Variants in RICTOR observed in about 807,000 individuals in gnomAD.
RICTOR encodes the protein rapamycin-insensitive companion of mTOR.
RICTOR carries 49 observed loss-of-function variants against 214.9 expected under a neutral mutation model. The observed-to-expected ratio is 0.23, with a 90% CI of 0.18 to 0.29. RICTOR has a LOEUF of 0.29. Ranked by LOEUF, RICTOR falls within the 10% of genes least tolerant of loss-of-function variation. The pLI, the probability that RICTOR is intolerant of heterozygous loss-of-function variation, is 1.00. For synonymous variants in RICTOR, 717 were observed against 711.3 expected, an observed-to-expected ratio of 1.01 and a Z score of -0.13; for missense variants, 1,625 against 2,047.0, an observed-to-expected ratio of 0.79 and a Z score of 3.98.
At chr5:39,041,944 A>G (rs985153991) in intron 2 of RICTOR, among the ~76,000 whole-genome samples, 4 of 148,686 alleles carry the variant, frequency 2.7e-5, no homozygotes, top group Non-Finnish European at 6.0e-5. Context: ...CTGTTTCAAA[A>G]AAAAAAAAAA....
Position 39,053,069 on chromosome 5 carries a change from T to C in RICTOR, c.97+21042A>G, listed in dbSNP as rs539520458. Among the ~76,000 whole-genome samples the C allele has an allele frequency of 2.2e-4, 33 of 152,368 alleles. No individual in the cohort carries two copies. In the South Asian group the frequency reaches 5.4e-3, roughly 25 times the overall value. ...ATTAGATTACATCCAAACACTTTCA[T>C]GAACTAACATTTTAAATAAGACAAA... is the stretch of plus-strand genomic sequence containing the variant. On this transcript the variant is annotated intron_variant, in intron 2 of 37. Coordinates refer to ENST00000357387, the MANE Select transcript of RICTOR (RefSeq NM_152756.5).
chr5:39,040,902 G>A (rs1212671849), intron 2 of RICTOR, among the ~76,000 whole-genome samples: 1 of 152,010 alleles, frequency 6.6e-6, no homozygotes, highest in African/African-American at 2.4e-5. Context: ...AATTAAATGG[G>A]AAAAAAGAGG....
At chr5:39,004,776 CTTTTTT>C (rs70982534) in intron 3 of RICTOR, among the ~76,000 whole-genome samples, 4 of 105,814 alleles carry the variant, frequency 3.8e-5, no homozygotes, top group South Asian at 3.1e-4. Context: ...CTCTCAGACT[CTTTTTT>C]TTTTTTTTTT....
At chr5:39,053,906 A>AC (rs1758023950) in intron 2 of RICTOR, among the ~76,000 whole-genome samples, 2 of 126,470 alleles carry the variant, frequency 1.6e-5, no homozygotes, top group South Asian at 2.7e-4. Flanking sequence ...AAAAAAAAAA[A>AC]CCCGTCTCTA....
intron 3 of RICTOR, 99 bp from the exon 4 acceptor site, chr5:39,003,721 G>A (rs1753820229): frequency 3.1e-6 from 2 of 648,752 alleles, no homozygotes; most frequent in African/African-American, 3.8e-5. Flanking sequence ...TATTTTTATG[G>A]AATAATATTT....
intron 2 of RICTOR, among the ~76,000 whole-genome samples, chr5:39,045,053 G>A (rs919864493): frequency 6.6e-6 from 1 of 152,126 alleles, no homozygotes; most frequent in Non-Finnish European, 1.5e-5. Flanking sequence ...GGCATCAAGT[G>A]CTTTCTTAGA....
chr5:39,073,974 G>C, intron 2 of RICTOR, 137 bp downstream of exon 2: 1 of 376,438 alleles, frequency 2.7e-6, no homozygotes, highest in Non-Finnish European at 3.9e-6. Flanking sequence ...CCCGCGGGCC[G>C]GCAGGCGGGG....
intron 7 of RICTOR, 146 bp downstream of exon 7, chr5:38,990,803 T>TATGAGATATATGAG (rs764342244): frequency 0.038 from 4,726 of 125,654 alleles, 830 homozygotes; most frequent in African/African-American, 0.15. Context: ...ATATATGATA[T>TATGAGATATATGAG]ATATGAGATA....
Position 39,002,804 on chromosome 5 carries a change from A to G in RICTOR, c.261-138T>C, listed in dbSNP as rs1405329322. The G allele has an allele frequency of 1.1e-5, 9 of 787,556 alleles. No homozygotes were observed. In the Admixed American group the frequency reaches 2.2e-4, roughly 20 times the overall value. 48.8% of individuals were successfully genotyped at this position (787,556 alleles called of 1,614,324 possible). A position where few individuals can be genotyped will look rare whatever the true frequency, so the allele number is the denominator to read the frequency against. The stretch of plus-strand genomic sequence containing the variant: ...AGAATTCTAAGAGCATTCTACATAT[A>G]TAAAAATTACTCACTCCAAGCCACA... On this transcript the variant is annotated intron_variant, in intron 4 of 37. Coordinates refer to ENST00000357387, the MANE Select transcript of RICTOR (RefSeq NM_152756.5).
At chr5:38,969,708 G>T (rs1464314636) in intron 11 of RICTOR, 10 of 146,872 alleles carry the variant, frequency 6.8e-5, no homozygotes, top group African/African-American at 2.3e-4. Flanking sequence ...TCGCTCTGTG[G>T]CCCAGGCTGA....
At chr5:39,028,251 C>T (rs994430914) in intron 2 of RICTOR, among the ~76,000 whole-genome samples, 3 of 131,166 alleles carry the variant, frequency 2.3e-5, no homozygotes, top group South Asian at 2.4e-4. Context: ...GGCGGGATCT[C>T]GGCTCACTGC....
intron 3 of RICTOR, among the ~76,000 whole-genome samples, chr5:39,009,184 T>C (rs998195719): frequency 2.0e-5 from 3 of 152,184 alleles, no homozygotes; most frequent in African/African-American, 7.2e-5. Context: ...TTGACTCTCA[T>C]TTCCTGCATT....
chr5:38,960,365 A>G (rs200439112), intron 20 of RICTOR, 33 bp downstream of exon 20: 51 of 1,598,202 alleles, frequency 3.2e-5, no homozygotes, highest in Non-Finnish European at 1.0e-5. Flanking sequence ...TCAATAAAAA[A>G]CATTTGCTCT....
intron 2 of RICTOR, among the ~76,000 whole-genome samples, chr5:39,051,763 G>A (rs1757876562): frequency 6.9e-6 from 1 of 144,410 alleles, no homozygotes; most frequent in African/African-American, 2.5e-5. Flanking sequence ...AAAAAAAAAA[G>A]AATGTGATTT....
intron 2 of RICTOR, among the ~76,000 whole-genome samples, chr5:39,038,664 T>C (rs1756926797): frequency 6.6e-6 from 1 of 152,224 alleles, no homozygotes; most frequent in South Asian, 2.1e-4. Context: ...CAAGCATTCT[T>C]ATACACCAAT....
chr5:38,990,548 G>GAT lies in RICTOR; in HGVS notation c.583+399_583+400dup, dbSNP rs150216191. On this transcript the variant is annotated intron_variant, in intron 7 of 37. Transcript: ENST00000357387. ...TACGATATATATACGATATATACAC[G>GAT]ATATACACGATATATACACGATATA... Among the ~76,000 whole-genome samples, 279 of 41,766 alleles carry GAT rather than the reference G, an allele frequency of 6.7e-3. 4 individuals carry two copies. Among genetic ancestry groups the GAT allele is most frequent in the Middle Eastern group, 0.016 (1 of 62 alleles). 27.4% of individuals were successfully genotyped at this position (41,766 alleles called of 152,430 possible).
chr5:39,000,270 C>G (rs1456723534), intron 5 of RICTOR, among the ~76,000 whole-genome samples: 1 of 151,712 alleles, frequency 6.6e-6, no homozygotes, highest in Non-Finnish European at 1.5e-5. Flanking sequence ...ATATATTTTC[C>G]AGGTAATATG....
intron 3 of RICTOR, among the ~76,000 whole-genome samples, chr5:39,018,258 G>A (rs1755119169): frequency 6.6e-6 from 1 of 152,050 alleles, no homozygotes; most frequent in Non-Finnish European, 1.5e-5. Context: ...CACAATTTGG[G>A]CTCTAATTTA....
chr5:38,947,231 C>T (rs1332595998), intron 32 of RICTOR, 33 bp downstream of exon 32: 11 of 1,516,582 alleles, frequency 7.3e-6, no homozygotes, highest in Non-Finnish European at 1.0e-5. Context: ...AGGAAACCAA[C>T]TCATAGGAAA....
Sources: allele counts gnomAD v4.1 joint callset (sites outside exome capture counted in the v4.1 genomes callset), GRCh38; gene constraint gnomAD v4.1.1; transcripts MANE v1.5; gene names NCBI Gene and HGNC (gene_info 2026-07-23, HGNC 2026-07-21).